Variants in USH2A observed in about 807,000 individuals in gnomAD.
The protein encoded by USH2A is Usher syndrome 2A (autosomal recessive, mild).
USH2A carries 443 observed loss-of-function variants against 538.9 expected under a neutral mutation model. That is an observed-to-expected ratio of 0.82 (90% confidence interval 0.76 to 0.89). The LOEUF (loss-of-function observed/expected upper bound fraction) is 0.89, where lower values mean the gene tolerates loss of function less well. USH2A is among the 40% of genes least tolerant of loss of function. The pLI is 0.00. For missense variants in USH2A, 6,633 were observed against 6,324.8 expected, an observed-to-expected ratio of 1.05 and a Z score of -1.65; for synonymous variants, 2,413 against 2,273.5, an observed-to-expected ratio of 1.06 and a Z score of -1.75.
intron 37 of USH2A, among the ~76,000 whole-genome samples, chr1:215,957,864 CCAAGTTA>C (rs1461523123): frequency 1.3e-5 from 2 of 152,114 alleles, no homozygotes; most frequent in African/African-American, 4.8e-5. Flanking sequence ...CGACGGGATT[CCAAGTTA>C]CAAGCTGTAC....
intron 4 of USH2A, among the ~76,000 whole-genome samples, chr1:216,359,861 T>C (rs1479319154): frequency 6.6e-6 from 1 of 151,960 alleles, no homozygotes; most frequent in Admixed American, 6.6e-5. Flanking sequence ...AAAACAATAC[T>C]AAGTATAATT....
intron 35 of USH2A, among the ~76,000 whole-genome samples, chr1:215,984,815 A>G (rs1409382028): frequency 6.6e-6 from 1 of 152,218 alleles, no homozygotes; most frequent in Non-Finnish European, 1.5e-5. Flanking sequence ...GCAGCATGGC[A>G]ATAGGAATAT....
At chr1:216,122,965 A>G (rs1018404152) in intron 21 of USH2A, among the ~76,000 whole-genome samples, 3 of 152,354 alleles carry the variant, frequency 2.0e-5, no homozygotes, top group East Asian at 3.9e-4. Context: ...ATTTGACAGT[A>G]TAATGACTGA....
intron 15 of USH2A, among the ~76,000 whole-genome samples, chr1:216,216,095 A>G (rs1453445207): frequency 6.6e-6 from 1 of 152,144 alleles, no homozygotes; most frequent in Non-Finnish European, 1.5e-5. Flanking sequence ...TCCAAAAGGA[A>G]TATGCTAGAA....
At chr1:215,874,443 A>G (rs1322996956) in intron 43 of USH2A, among the ~76,000 whole-genome samples, 1 of 152,234 alleles carries the variant, frequency 6.6e-6, no homozygotes, top group Non-Finnish European at 1.5e-5. Context: ...GAATTAAATT[A>G]TCTGGATAAT....
Position 216,289,308 on chromosome 1 carries a change from G to T in USH2A, c.1943C>A (p.Thr648Asn). ...CKPCDCDTVG[T>N]RNGSILCDQI... ...ATCACAAAGAATGCTACCATTTCTAGTGCCAACTGTATCACAGTCACAGGG... is the reference window on the plus strand; with the variant it reads ...ATCACAAAGAATGCTACCATTTCTATTGCCAACTGTATCACAGTCACAGGG... The change falls in exon 11 of 72, where the codon ACT becomes AAT. Residue 648 changes from threonine to asparagine, a missense_variant. Transcript: ENST00000307340. The T allele has an allele frequency of 6.8e-6, 11 of 1,613,914 alleles. No individual in the cohort carries two copies. Among genetic ancestry groups the T allele is most frequent in the Non-Finnish European group, 9.3e-6 (11 of 1,179,852 alleles).
chr1:215,757,918 T>C (rs942863540), intron 58 of USH2A, among the ~76,000 whole-genome samples: 7 of 152,204 alleles, frequency 4.6e-5, no homozygotes, highest in African/African-American at 1.7e-4. Context: ...ATAATGTCAA[T>C]GATCCAATCT....
At chr1:215,655,551 C>T (rs1657213175) in intron 64 of USH2A, among the ~76,000 whole-genome samples, 1 of 152,120 alleles carries the variant, frequency 6.6e-6, no homozygotes, top group Middle Eastern at 3.4e-3. Flanking sequence ...ATTTCTCCTC[C>T]TAATTTTATT....
chr1:216,149,721 C>G (rs1323623873), intron 21 of USH2A, among the ~76,000 whole-genome samples: 1 of 152,136 alleles, frequency 6.6e-6, no homozygotes, highest in Non-Finnish European at 1.5e-5. Context: ...CTTGCCTACT[C>G]CAGATCCCCA....
At position 216,417,344 on chromosome 1, in the gene USH2A, G is replaced by A. The variant is rs111451154; in HGVS notation, c.651+1170C>T. ...GATGTAAATGTCCTCTAGTTCAAAT[G>A]AGGTTCACATGAGCCACTGGATGGA... On this transcript the variant is annotated intron_variant, in intron 3 of 71. Transcript: ENST00000307340. Among the ~76,000 whole-genome samples, 503 of 151,770 alleles carry A rather than the reference G, an allele frequency of 3.3e-3. 3 individuals are homozygous for A. The highest frequency in any genetic ancestry group is 3.6e-3 in the Non-Finnish European group (245 of 67,896).
intron 3 of USH2A, among the ~76,000 whole-genome samples, chr1:216,405,828 G>A (rs1411244803): frequency 2.6e-5 from 4 of 152,200 alleles, no homozygotes; most frequent in Admixed American, 1.3e-4. Flanking sequence ...CCCACATACC[G>A]TGGAATGCTA....
At chr1:215,688,556 T>G (rs1404336213) in intron 61 of USH2A, among the ~76,000 whole-genome samples, 1 of 152,102 alleles carries the variant, frequency 6.6e-6, no homozygotes, top group Non-Finnish European at 1.5e-5. Context: ...AGAAGTTCAT[T>G]TTCTTGCAAT....
At chr1:215,956,611 G>A (rs939784253) in intron 37 of USH2A, among the ~76,000 whole-genome samples, 1 of 152,026 alleles carries the variant, frequency 6.6e-6, no homozygotes, top group African/African-American at 2.4e-5. Context: ...CCCTCTCATG[G>A]CTCTGTGGGC....
At chr1:215,638,448 C>A (rs555587645) in intron 69 of USH2A, among the ~76,000 whole-genome samples, 9 of 151,676 alleles carry the variant, frequency 5.9e-5, no homozygotes, top group Non-Finnish European at 1.2e-4. Context: ...AGTGAAACCC[C>A]ATCTCTACTG....
At chr1:216,116,572 C>A (rs140997798) in intron 21 of USH2A, among the ~76,000 whole-genome samples, 2 of 152,122 alleles carry the variant, frequency 1.3e-5, no homozygotes. Context: ...TGGACCAATA[C>A]GATACTTTAT....
At chr1:215,918,181 G>A (rs1666009578) in intron 38 of USH2A, among the ~76,000 whole-genome samples, 1 of 152,008 alleles carries the variant, frequency 6.6e-6, no homozygotes, top group South Asian at 2.1e-4. Flanking sequence ...AACGGGATTG[G>A]ATATAATATT....
intron 55 of USH2A, among the ~76,000 whole-genome samples, chr1:215,768,110 C>T (rs960736962): frequency 1.3e-5 from 2 of 152,096 alleles, no homozygotes; most frequent in Non-Finnish European, 2.9e-5. Flanking sequence ...CAGATTTCTC[C>T]TCAAATACTA....
intron 4 of USH2A, among the ~76,000 whole-genome samples, chr1:216,348,452 T>G (rs1212026560): frequency 1.3e-5 from 2 of 152,032 alleles, no homozygotes; most frequent in East Asian, 3.9e-4. Flanking sequence ...CCCGAAGATA[T>G]CTTAGGACCT....
chr1:215,946,898 A>T (rs1005427670), intron 37 of USH2A, among the ~76,000 whole-genome samples: 3 of 152,222 alleles, frequency 2.0e-5, no homozygotes, highest in Non-Finnish European at 4.4e-5. Flanking sequence ...CTGATAAAAA[A>T]TCTAAATTGA....
Sources: allele counts gnomAD v4.1 joint callset (sites outside exome capture counted in the v4.1 genomes callset), GRCh38; gene constraint gnomAD v4.1.1; transcripts MANE v1.5; gene names NCBI Gene and HGNC (gene_info 2026-07-23, HGNC 2026-07-21).